The following MAD1L1 variants were observed in gnomAD, a reference collection of about 807,000 sequenced individuals.
The protein encoded by MAD1L1 is mitotic arrest deficient 1 like 1.
MAD1L1 carries 95 observed loss-of-function variants against 96.9 expected under a neutral mutation model. The observed-to-expected ratio is 0.98, with a 90% confidence interval of 0.83 to 1.16. The LOEUF is 1.16. Ranked by LOEUF, MAD1L1 falls within the 50% of genes most tolerant of loss-of-function variation. The pLI is 0.00. For missense variants in MAD1L1, 1,007 were observed against 954.4 expected (o/e 1.06, Z -0.73); for synonymous variants, 473 against 396.6 (o/e 1.19, Z -2.29).
intron 18 of MAD1L1, among the ~76,000 whole-genome samples, chr7:1,830,555 CAG>C (rs1486275145): frequency 6.6e-6 from 1 of 152,082 alleles, no homozygotes; most frequent in African/African-American, 2.4e-5. Context: ...GCTGACTAAA[CAG>C]AAATAAAAAC....
chr7:1,855,410 C>T (rs1029709070), intron 18 of MAD1L1, among the ~76,000 whole-genome samples: 3 of 151,974 alleles, frequency 2.0e-5, no homozygotes, highest in Non-Finnish European at 4.4e-5. Flanking sequence ...CATCCTAGGC[C>T]GCCCCTCTGT....
At chr7:2,106,358 C>T (rs891555628) in intron 11 of MAD1L1, among the ~76,000 whole-genome samples, 8 of 152,002 alleles carry the variant, frequency 5.3e-5, no homozygotes, top group Admixed American at 5.2e-4. Flanking sequence ...CCTGCCCTTC[C>T]TTCTCTATCG....
intron 12 of MAD1L1, among the ~76,000 whole-genome samples, chr7:2,049,170 G>C (rs985903345): frequency 5.3e-5 from 8 of 152,250 alleles, no homozygotes; most frequent in Non-Finnish European, 1.0e-4. Flanking sequence ...TTCTTCCAGA[G>C]AGGAAGCAAA....
intron 15 of MAD1L1, among the ~76,000 whole-genome samples, chr7:1,962,803 C>T (rs557772273): frequency 3.9e-5 from 6 of 152,200 alleles, no homozygotes; most frequent in African/African-American, 7.2e-5. Flanking sequence ...AAAAACTAGC[C>T]GGGTGTGGTG....
At chr7:2,108,343 G>A (rs931395062) in intron 11 of MAD1L1, among the ~76,000 whole-genome samples, 6 of 152,186 alleles carry the variant, frequency 3.9e-5, no homozygotes, top group Middle Eastern at 6.3e-3. Context: ...ATTCATCCGC[G>A]TCAGAATCAG....
chr7:2,141,766 G>T (rs895323578), intron 11 of MAD1L1, among the ~76,000 whole-genome samples: 1 of 152,216 alleles, frequency 6.6e-6, no homozygotes, highest in Non-Finnish European at 1.5e-5. Context: ...ACCATCTCAC[G>T]TCCAAGTCTG....
At chr7:1,938,742 GCA>G (rs10533854) in intron 16 of MAD1L1, among the ~76,000 whole-genome samples, 75,358 of 134,040 alleles carry the variant, frequency 0.56, 18,680 homozygotes, top group South Asian at 0.72. Context: ...CCAGAGGCGC[GCA>G]CGCACACACA....
chr7:2,077,561 A>G lies in MAD1L1; in HGVS notation c.1074-8223T>C, dbSNP rs73048975. ...CGTTCCATGTGTCTCTCAGGAAGAGAGCAAGTGCACGGGCTTGGCTGAGCC... is the reference window on the plus strand; with the variant it reads ...CGTTCCATGTGTCTCTCAGGAAGAGGGCAAGTGCACGGGCTTGGCTGAGCC... On this transcript the variant is annotated intron_variant, in intron 11 of 18. Coordinates refer to ENST00000265854, the MANE Select transcript of MAD1L1 (RefSeq NM_001013836.2). Among the ~76,000 whole-genome samples, 6 of 152,296 alleles carry G rather than the reference A, an allele frequency of 3.9e-5. No homozygotes were observed. The South Asian group carries it at 1.0e-3, about 26-fold the overall frequency.
intron 14 of MAD1L1, among the ~76,000 whole-genome samples, chr7:1,987,685 G>T (rs948956429): frequency 6.6e-6 from 1 of 152,208 alleles, no homozygotes; most frequent in Non-Finnish European, 1.5e-5. Context: ...GGCCACGGCC[G>T]CCCGGCAGCC....
intron 10 of MAD1L1, among the ~76,000 whole-genome samples, chr7:2,190,881 C>CAGAATT: frequency 6.6e-6 from 1 of 152,104 alleles, no homozygotes; most frequent in East Asian, 1.9e-4. Flanking sequence ...CACGGGTGGC[C>CAGAATT]AGGGGACAGA....
intron 14 of MAD1L1, among the ~76,000 whole-genome samples, chr7:1,995,621 A>G (rs1255662288): frequency 2.6e-5 from 4 of 152,120 alleles, no homozygotes; most frequent in Admixed American, 6.5e-5. Flanking sequence ...ACAGTCTCAG[A>G]CTTTGAGCCA....
intron 10 of MAD1L1, among the ~76,000 whole-genome samples, chr7:2,184,453 G>A (rs912539959): frequency 6.6e-6 from 1 of 152,074 alleles, no homozygotes. Context: ...ATACATTCCA[G>A]GTAGGAGCAT....
chr7:1,863,499 C>T (rs1784629409), intron 18 of MAD1L1, among the ~76,000 whole-genome samples: 1 of 152,256 alleles, frequency 6.6e-6, no homozygotes, highest in Non-Finnish European at 1.5e-5. Flanking sequence ...CAAGCCCCCG[C>T]ACAGCACGGC....
intron 17 of MAD1L1, among the ~76,000 whole-genome samples, chr7:1,911,222 C>G (rs919747361): frequency 6.6e-6 from 1 of 152,132 alleles, no homozygotes; most frequent in African/African-American, 2.4e-5. Context: ...CAGGTTTCAA[C>G]GCTCTGTCCT....
At chr7:1,942,639 G>A (rs1364369740) in intron 16 of MAD1L1, among the ~76,000 whole-genome samples, 6 of 152,148 alleles carry the variant, frequency 3.9e-5, no homozygotes, top group Non-Finnish European at 8.8e-5. Flanking sequence ...GAGGAAACTA[G>A]GCGGGATCTA....
intron 12 of MAD1L1, among the ~76,000 whole-genome samples, chr7:2,046,796 TC>T (rs1272860111): frequency 2.0e-5 from 3 of 152,066 alleles, no homozygotes; most frequent in Non-Finnish European, 4.4e-5. Flanking sequence ...TTCCGTAAGC[TC>T]CTAGGTGGAG....
At chr7:2,009,061 A>C (rs1461158229) in intron 13 of MAD1L1, among the ~76,000 whole-genome samples, 1 of 152,178 alleles carries the variant, frequency 6.6e-6, no homozygotes, top group African/African-American at 2.4e-5. Flanking sequence ...GTGACCAGGG[A>C]GCTGCCTCCA....
intron 16 of MAD1L1, among the ~76,000 whole-genome samples, chr7:1,950,850 C>T (rs993739552): frequency 6.6e-6 from 1 of 152,254 alleles, no homozygotes; most frequent in Non-Finnish European, 1.5e-5. Context: ...GCCACCCGTG[C>T]TCCTCGTTCA....
At chr7:2,165,665 G>A (rs890616495) in intron 10 of MAD1L1, among the ~76,000 whole-genome samples, 2 of 96,706 alleles carry the variant, frequency 2.1e-5, no homozygotes, top group Non-Finnish European at 4.5e-5. Flanking sequence ...ACCAAAACAC[G>A]CGTCTCAGCT....
Sources: allele counts gnomAD v4.1 joint callset (sites outside exome capture counted in the v4.1 genomes callset), GRCh38; gene constraint gnomAD v4.1.1; transcripts MANE v1.5; gene names NCBI Gene and HGNC (gene_info 2026-07-23, HGNC 2026-07-21).